The following CTNNBIP1 variants were observed in gnomAD, a reference collection of about 807,000 sequenced individuals.
CTNNBIP1 encodes the protein beta-catenin-interacting protein 1.
A neutral mutation model predicts 11.8 loss-of-function variants in CTNNBIP1; 7 were observed. That is an observed-to-expected ratio of 0.60 (90% CI 0.34 to 1.12). The LOEUF is 1.12. CTNNBIP1 is among the 50% of genes most tolerant of loss of function. The probability of loss-of-function intolerance (pLI) is 0.03; values close to 1 mark genes in which losing one functional copy is unlikely to be tolerated. For missense variants in CTNNBIP1, 101 were observed against 113.4 expected (o/e 0.89, Z 0.50); for synonymous variants, 58 against 43.9 (o/e 1.32, Z -1.26).
chr1:9,873,132 C>T (rs1400835867), intron 3 of CTNNBIP1, among the ~76,000 whole-genome samples: 1 of 152,160 alleles, frequency 6.6e-6, no homozygotes, highest in East Asian at 1.9e-4. Context: ...AGCAGCCTCC[C>T]TGTAGGTACT....
At chr1:9,884,194 C>A (rs1235180151) in intron 1 of CTNNBIP1, among the ~76,000 whole-genome samples, 1 of 152,074 alleles carries the variant, frequency 6.6e-6, no homozygotes, top group Non-Finnish European at 1.5e-5. Flanking sequence ...AGGGGAGGAC[C>A]AGCTAAGCTC....
intron 1 of CTNNBIP1, among the ~76,000 whole-genome samples, chr1:9,894,630 C>T (rs1639373327): frequency 6.6e-6 from 1 of 151,774 alleles, no homozygotes; most frequent in African/African-American, 2.4e-5. Flanking sequence ...CAGGCTTAAG[C>T]GATCCTCCCA....
intron 2 of CTNNBIP1, among the ~76,000 whole-genome samples, chr1:9,882,744 C>T (rs1468276457): frequency 6.6e-6 from 1 of 151,908 alleles, no homozygotes; most frequent in Non-Finnish European, 1.5e-5. Flanking sequence ...GTGGCTGTGG[C>T]TGTGGGGAGA....
chr1:9,860,914 A>C (rs1374010216), intron 5 of CTNNBIP1, among the ~76,000 whole-genome samples: 1 of 152,202 alleles, frequency 6.6e-6, no homozygotes, highest in Non-Finnish European at 1.5e-5. Context: ...GCAAATTCTC[A>C]TGGCTGATGC....
At chr1:9,856,008 C>T (rs947800089) in intron 5 of CTNNBIP1, among the ~76,000 whole-genome samples, 10 of 151,926 alleles carry the variant, frequency 6.6e-5, no homozygotes, top group South Asian at 4.2e-4. Flanking sequence ...GTTAGCTGGG[C>T]GTGGTGGCAC....
In CTNNBIP1 at chr1:9,872,767, C is replaced by T. The variant is rs1169598931; in HGVS notation, c.-24-679G>A. ...TGCAGGCAGCTGGGAAGGCCAGCAG[C>T]GTGTCCACATGCAGCAGGGACCTAA... On this transcript the variant is annotated intron_variant, in intron 3 of 5. Coordinates refer to ENST00000377263, the MANE Select transcript of CTNNBIP1 (RefSeq NM_020248.3). This position sits in a 1 kb window ranked among gnomAD's most constrained non-coding sequence, Gnocchi z 4.0. 6.6e-6 allele frequency among the ~76,000 whole-genome samples: 1 copy of T among 152,152 alleles called. No individual in the cohort carries two copies. Among genetic ancestry groups the T allele is most frequent in the Non-Finnish European group, 1.5e-5 (1 of 68,018 alleles).
Position 9,876,981 on chromosome 1 carries a change from A to G in CTNNBIP1, c.-25+924T>C, listed in dbSNP as rs184899096. On this transcript the variant is annotated intron_variant, in intron 3 of 5. Coordinates refer to ENST00000377263, the MANE Select transcript of CTNNBIP1 (RefSeq NM_020248.3). ...CCTGACCACTGTGAAAGGTCCACAC[A>G]ACGGGAGAACTGGCCTTGGCTCCAC... Among the ~76,000 whole-genome samples, 175 of 152,228 alleles carry G rather than the reference A, an allele frequency of 1.1e-3. 1 individual carries two copies. The highest frequency in any genetic ancestry group is 4.0e-3 in the African/African-American group (165 of 41,544).
At position 9,863,414 on chromosome 1, in the gene CTNNBIP1, G is replaced by A. The variant is rs571036084; in HGVS notation, c.187+7773C>T. On this transcript the variant is annotated intron_variant, in intron 5 of 5. Coordinates refer to ENST00000377263, the MANE Select transcript of CTNNBIP1 (RefSeq NM_020248.3). ...TAATTTCAGTGCAGAGTCTGTTACC[G>A]CCTGGAGCCTCTGAGAGAAGCCTCC... 3.9e-5 allele frequency among the ~76,000 whole-genome samples: 6 copies of A among 152,224 alleles called. No individual in the cohort carries two copies. The East Asian group carries it at 1.2e-3, about 29-fold the overall frequency.
rs141389307 is a variant in CTNNBIP1 at position 9,905,147 on chromosome 1, C to T, written c.-144+4948G>A. Among the ~76,000 whole-genome samples, 142 of 152,286 alleles carry T rather than the reference C, an allele frequency of 9.3e-4. 1 individual carries two copies. Among genetic ancestry groups the T allele is most frequent in the African/African-American group, 3.1e-3 (130 of 41,548 alleles). ...TCTCCTAGACCCCAGGAAAAGTTCC[C>T]ATGCAGTGACTTCCCACTGTTCAGA... is the stretch of plus-strand genomic sequence containing the variant. On this transcript the variant is annotated intron_variant, in intron 1 of 5. Coordinates refer to ENST00000377263, the MANE Select transcript of CTNNBIP1 (RefSeq NM_020248.3).
intron 1 of CTNNBIP1, among the ~76,000 whole-genome samples, chr1:9,885,079 TG>T (rs1207374399): frequency 5.9e-5 from 9 of 152,114 alleles, no homozygotes; most frequent in Non-Finnish European, 1.2e-4. Context: ...GTAGAGGCCG[TG>T]GCAGGAATCC....
At position 9,871,932 on chromosome 1, in the gene CTNNBIP1, C is replaced by G. The variant is rs1351284427; in HGVS notation, c.96+37G>C. On this transcript the variant is annotated intron_variant, in intron 4 of 5. Coordinates refer to ENST00000377263, the MANE Select transcript of CTNNBIP1 (RefSeq NM_020248.3). The surrounding 1 kb of genome is among the most constrained non-coding windows in gnomAD (Gnocchi z 5.2). The stretch of plus-strand genomic sequence containing the variant: ...AGGGCCCCTCCCTGGGAGACCCTCC[C>G]TGGGGGCCCGCTGCCTGACACCCCA... The G allele has an allele frequency of 1.9e-6, 3 of 1,581,142 alleles. No homozygotes were observed. The highest frequency in any genetic ancestry group is 1.7e-6 in the Non-Finnish European group (2 of 1,150,156).
At chr1:9,878,571 T>A (rs753713552) in intron 2 of CTNNBIP1, among the ~76,000 whole-genome samples, 1 of 152,232 alleles carries the variant, frequency 6.6e-6, no homozygotes, top group Non-Finnish European at 1.5e-5. Context: ...CCTAGCCACA[T>A]GTCTACGTGC....
chr1:9,858,488 C>T (rs1461363276), intron 5 of CTNNBIP1, among the ~76,000 whole-genome samples: 2 of 152,194 alleles, frequency 1.3e-5, no homozygotes, highest in African/African-American at 2.4e-5. Flanking sequence ...AAGCACAAGT[C>T]CTTACACCCC....
chr1:9,884,865 T>TGGACAGAGGCCCTATGGTGGGG (rs1639153825), intron 1 of CTNNBIP1, among the ~76,000 whole-genome samples: 2 of 151,708 alleles, frequency 1.3e-5, no homozygotes, highest in Admixed American at 1.3e-4. Flanking sequence ...GGAGCAGAGC[T>TGGACAGAGGCCCTATGGTGGGG]GGACAGAGGC....
Position 9,867,368 on chromosome 1 carries a change from T to C in CTNNBIP1, c.187+3819A>G, listed in dbSNP as rs779036410. The stretch of plus-strand genomic sequence containing the variant: ...TGGCTCCCCATAGATACTCAACAAA[T>C]GTGACCGAGGAAGGAATCGAAGGGT... On this transcript the variant is annotated intron_variant, in intron 5 of 5. Transcript: ENST00000377263. The surrounding 1 kb of genome is among the most constrained non-coding windows in gnomAD (Gnocchi z 4.6). 6.6e-6 allele frequency among the ~76,000 whole-genome samples: 1 copy of C among 152,012 alleles called. No homozygotes were observed. The highest frequency in any genetic ancestry group is 1.5e-5 in the Non-Finnish European group (1 of 67,976).
chr1:9,878,060 G>C (rs1489819572), intron 2 of CTNNBIP1, 71 bp from the exon 3 acceptor site: 4 of 152,678 alleles, frequency 2.6e-5, no homozygotes, highest in African/African-American at 9.6e-5. Flanking sequence ...GCTGGGCCTG[G>C]AGCACACGCC....
rs150550303 is a variant in CTNNBIP1 at position 9,894,285 on chromosome 1, T to C, written c.-143-10547A>G. ...GAGATCATGATACTTGGCTAATGCCTCAGCACAGATCTCCTAAGGCCATTC... is the reference window on the plus strand; with the variant it reads ...GAGATCATGATACTTGGCTAATGCCCCAGCACAGATCTCCTAAGGCCATTC... On this transcript the variant is annotated intron_variant, in intron 1 of 5. Transcript: ENST00000377263. Among the ~76,000 whole-genome samples, 110 of 152,348 alleles carry C rather than the reference T, an allele frequency of 7.2e-4. 1 individual carries two copies. The highest frequency in any genetic ancestry group is 2.5e-3 in the African/African-American group (102 of 41,576).
intron 5 of CTNNBIP1, among the ~76,000 whole-genome samples, chr1:9,859,255 C>G (rs542370213): frequency 2.9e-4 from 44 of 152,364 alleles, no homozygotes; most frequent in Admixed American, 2.0e-4. Flanking sequence ...GCTTTCTAAA[C>G]CAGGACAGGG....
intron 1 of CTNNBIP1, among the ~76,000 whole-genome samples, chr1:9,891,172 C>T (rs1332078208): frequency 2.0e-5 from 3 of 152,094 alleles, no homozygotes; most frequent in South Asian, 2.1e-4. Context: ...GGGGCACTCA[C>T]GTTTCTCCAC....
Sources: allele counts gnomAD v4.1 joint callset (sites outside exome capture counted in the v4.1 genomes callset), GRCh38; gene constraint gnomAD v4.1.1; non-coding constraint Gnocchi (gnomAD v3.1); transcripts MANE v1.5; gene names NCBI Gene and HGNC (gene_info 2026-07-23, HGNC 2026-07-21).